The following FHIT variants were observed in gnomAD, a reference collection of about 807,000 sequenced individuals.
The protein encoded by FHIT is bis(5'-adenosyl)-triphosphatase.
In FHIT, 19 loss-of-function variants were observed where a neutral mutation model predicts 17.9. The ratio of observed to expected loss-of-function variants is 1.06; its 90% CI spans 0.74 to 1.56. The LOEUF is 1.56. Ranked by LOEUF, FHIT falls within the 40% of genes most tolerant of loss-of-function variation. The pLI is 0.00. For synonymous variants in FHIT, 81 were observed against 69.7 expected (o/e 1.16, Z -0.81); for missense variants, 248 against 189.2 (o/e 1.31, Z -1.82).
chr3:60,212,561 A>C (rs1280549265), intron 5 of FHIT, among the ~76,000 whole-genome samples: 1 of 152,180 alleles, frequency 6.6e-6, no homozygotes, highest in East Asian at 1.9e-4. Context: ...ACATAACGGG[A>C]GACATATAAG....
chr3:60,738,911 T>G (rs781844407), intron 4 of FHIT, among the ~76,000 whole-genome samples: 2 of 152,146 alleles, frequency 1.3e-5, no homozygotes, highest in African/African-American at 2.4e-5. Flanking sequence ...CCACACTCCC[T>G]TATCCTGTAC....
intron 3 of FHIT, among the ~76,000 whole-genome samples, chr3:60,955,586 G>GTGTATATATA (rs1709074478): frequency 1.2e-5 from 1 of 83,520 alleles, no homozygotes; most frequent in Non-Finnish European, 2.3e-5. Flanking sequence ...ATCTGCTTAG[G>GTGTATATATA]CATATATATA....
intron 5 of FHIT, among the ~76,000 whole-genome samples, chr3:60,502,543 C>T (rs946782001): frequency 6.6e-6 from 1 of 152,144 alleles, no homozygotes; most frequent in Admixed American, 6.5e-5. Context: ...TTCTAGAGGA[C>T]AGAGTGTCAG....
intron 7 of FHIT, among the ~76,000 whole-genome samples, chr3:59,947,880 A>G (rs1162808616): frequency 6.6e-6 from 1 of 152,198 alleles, no homozygotes; most frequent in East Asian, 1.9e-4. Flanking sequence ...GAAAATCTAT[A>G]TAAAAGACTC....
At chr3:60,305,824 A>T (rs13095141) in intron 5 of FHIT, among the ~76,000 whole-genome samples, 31,011 of 152,018 alleles carry the variant, frequency 0.2, 4,211 homozygotes, top group East Asian at 0.72. Context: ...AATTTTTAAT[A>T]ATTTTAAACT....
At chr3:60,797,466 GTA>G (rs1701022847) in intron 4 of FHIT, among the ~76,000 whole-genome samples, 2 of 48,056 alleles carry the variant, frequency 4.2e-5, no homozygotes, top group Admixed American at 2.9e-4. Flanking sequence ...AGTAGTAGTA[GTA>G]GTAGTAGTAG....
At chr3:60,303,194 C>T (rs915276378) in intron 5 of FHIT, among the ~76,000 whole-genome samples, 7 of 152,124 alleles carry the variant, frequency 4.6e-5, no homozygotes, top group African/African-American at 1.4e-4. Flanking sequence ...GTGACAGAGG[C>T]TATCAGAAGA....
chr3:60,013,413 A>T (rs1407052546), intron 6 of FHIT, among the ~76,000 whole-genome samples: 1 of 152,176 alleles, frequency 6.6e-6, no homozygotes, highest in Admixed American at 6.5e-5. Context: ...GGATTTACTC[A>T]ATTCCCTACT....
chr3:61,010,883 T>C (rs748516610), intron 3 of FHIT, among the ~76,000 whole-genome samples: 14 of 152,324 alleles, frequency 9.2e-5, no homozygotes, highest in Middle Eastern at 6.8e-3. Context: ...AGAAAAAATA[T>C]AACCTAAATA....
chr3:61,206,598 C>T (rs1403236360), intron 1 of FHIT, among the ~76,000 whole-genome samples: 1 of 152,170 alleles, frequency 6.6e-6, no homozygotes, highest in African/African-American at 2.4e-5. Flanking sequence ...TGGGAGTTCA[C>T]TCATGATTTC....
intron 5 of FHIT, among the ~76,000 whole-genome samples, chr3:60,247,737 C>G (rs1705475235): frequency 6.6e-6 from 1 of 152,052 alleles, no homozygotes; most frequent in African/African-American, 2.4e-5. Flanking sequence ...TGATTTTAGG[C>G]AATTTTCATA....
chr3:60,437,590 A>G (rs776767633), intron 5 of FHIT, among the ~76,000 whole-genome samples: 61 of 152,072 alleles, frequency 4.0e-4, no homozygotes, highest in Non-Finnish European at 7.9e-4. Flanking sequence ...GATCAACCCT[A>G]TAAGCTGGGT....
intron 3 of FHIT, among the ~76,000 whole-genome samples, chr3:60,849,709 T>C (rs1466913586): frequency 6.6e-6 from 1 of 152,014 alleles, no homozygotes; most frequent in African/African-American, 2.4e-5. Context: ...GCAAATTTCT[T>C]ACCTATGCAC....
chr3:61,191,028 A>C (rs191711333), intron 2 of FHIT, among the ~76,000 whole-genome samples: 1 of 152,154 alleles, frequency 6.6e-6, no homozygotes, highest in Non-Finnish European at 1.5e-5. Flanking sequence ...ACATGTATAC[A>C]TATGTAACAA....
At chr3:60,211,390 A>G (rs1472673970) in intron 5 of FHIT, among the ~76,000 whole-genome samples, 1 of 152,110 alleles carries the variant, frequency 6.6e-6, no homozygotes, top group African/African-American at 2.4e-5. Context: ...TATAGAAGTT[A>G]TACTACTTTG....
chr3:61,157,818 G>T (rs1450898355), intron 2 of FHIT, among the ~76,000 whole-genome samples: 1 of 152,080 alleles, frequency 6.6e-6, no homozygotes, highest in Non-Finnish European at 1.5e-5. Flanking sequence ...TAACTAAATG[G>T]CTATTGATAG....
intron 5 of FHIT, among the ~76,000 whole-genome samples, chr3:60,232,725 G>A (rs984341491): frequency 7.2e-5 from 11 of 152,046 alleles, no homozygotes; most frequent in Admixed American, 3.3e-4. Context: ...CCCTTGTTCT[G>A]ACCATTCTGT....
chr3:60,115,120 T>C (rs1034130562), intron 5 of FHIT, among the ~76,000 whole-genome samples: 2 of 152,080 alleles, frequency 1.3e-5, no homozygotes, highest in African/African-American at 2.4e-5. Context: ...TGGATTAAAA[T>C]AGATTTTAAG....
At chr3:60,317,647 A>G (rs1275855209) in intron 5 of FHIT, among the ~76,000 whole-genome samples, 1 of 147,546 alleles carries the variant, frequency 6.8e-6, no homozygotes, top group Non-Finnish European at 1.5e-5. Context: ...ATATATATAT[A>G]TATATAATAT....
Sources: allele counts gnomAD v4.1 joint callset (sites outside exome capture counted in the v4.1 genomes callset), GRCh38; gene constraint gnomAD v4.1.1; transcripts MANE v1.5; gene names NCBI Gene and HGNC (gene_info 2026-07-23, HGNC 2026-07-21).